The following ZNF521 variants were observed in gnomAD, a reference collection of about 807,000 sequenced individuals.
The protein encoded by ZNF521 is LYST-interacting protein 3.
Under a neutral mutation model 105.5 loss-of-function variants are expected in ZNF521, and 14 were observed. That is an observed-to-expected ratio of 0.13 (90% confidence interval 0.09 to 0.21). The LOEUF (loss-of-function observed/expected upper bound fraction) is 0.21, where lower values mean the gene tolerates loss of function less well. Ranked by LOEUF, ZNF521 falls within the 10% of genes least tolerant of loss-of-function variation. The pLI is 1.00. For synonymous variants in ZNF521, 635 were observed against 606.0 expected (o/e 1.05, Z -0.70); for missense variants, 1,233 against 1,629.7 (o/e 0.76, Z 4.19).
At chr18:25,298,043 G>T (rs902123253) in intron 3 of ZNF521, among the ~76,000 whole-genome samples, 2 of 152,074 alleles carry the variant, frequency 1.3e-5, no homozygotes, top group Non-Finnish European at 2.9e-5. Flanking sequence ...TTATTCACCT[G>T]CATTAGATGA....
chr18:25,068,324 A>G (rs1050401843), intron 7 of ZNF521, among the ~76,000 whole-genome samples: 4 of 152,162 alleles, frequency 2.6e-5, no homozygotes, highest in African/African-American at 7.2e-5. Context: ...TGATTAACTA[A>G]TTATATTACC....
chr18:25,284,876 G>T (rs760815899), intron 3 of ZNF521, among the ~76,000 whole-genome samples: 16 of 151,328 alleles, frequency 1.1e-4, no homozygotes, highest in Non-Finnish European at 1.9e-4. Context: ...TCTAGTGAGA[G>T]AGACTACACA....
chr18:25,308,316 C>T (rs991287773), intron 3 of ZNF521, among the ~76,000 whole-genome samples: 8 of 152,020 alleles, frequency 5.3e-5, no homozygotes, highest in South Asian at 2.1e-4. Context: ...TTAGGATCTC[C>T]GGGAAAAGCT....
rs553051738 is a variant in ZNF521 at position 25,204,277 on chromosome 18, T to A, written c.3574-9033A>T. ...ATTTAAGCTACTACTACATTTATAA[T>A]TGAGTAAAAAAGTTGAGCCATTTTT... is the stretch of plus-strand genomic sequence containing the variant. On this transcript the variant is annotated intron_variant, in intron 4 of 7. Coordinates refer to ENST00000361524, the MANE Select transcript of ZNF521 (RefSeq NM_015461.3). Among the ~76,000 whole-genome samples, 97 of 152,352 alleles carry A rather than the reference T, an allele frequency of 6.4e-4. 1 individual carries two copies. Among genetic ancestry groups the A allele is most frequent in the African/African-American group, 2.3e-3 (95 of 41,590 alleles).
At chr18:25,243,512 C>A (rs927901755) in intron 3 of ZNF521, among the ~76,000 whole-genome samples, 3 of 152,230 alleles carry the variant, frequency 2.0e-5, no homozygotes, top group African/African-American at 7.2e-5. Flanking sequence ...TCTGTATCAG[C>A]AGAAGATCTG....
At chr18:25,109,478 T>C (rs2034141202) in intron 5 of ZNF521, among the ~76,000 whole-genome samples, 1 of 152,192 alleles carries the variant, frequency 6.6e-6, no homozygotes, top group Non-Finnish European at 1.5e-5. Context: ...GTAGTGGGAT[T>C]GCTGGGTGGA....
rs1369336386 is a variant in ZNF521 at position 25,350,949 on chromosome 18, T to C, written c.-1-2A>G. 1 of 1,546,654 alleles carries C rather than the reference T, an allele frequency of 6.5e-7. No homozygotes were observed. The highest frequency in any genetic ancestry group is 2.0e-5 in the Admixed American group (1 of 50,794). ...TTCGCTTGCTTGCGGCGAGACATCC[T>C]AAAAGCAAACAGCTGAAGTTGTTTC... On this transcript the variant is annotated splice_acceptor_variant, in intron 1 of 7. Coordinates refer to ENST00000361524, the MANE Select transcript of ZNF521 (RefSeq NM_015461.3). LOFTEE classifies it low-confidence loss of function (5UTR_SPLICE).
chr18:25,161,372 A>C (rs1211156954), intron 5 of ZNF521, among the ~76,000 whole-genome samples: 1 of 152,184 alleles, frequency 6.6e-6, no homozygotes, highest in East Asian at 1.9e-4. Context: ...ATCAAGTGTG[A>C]CAGCTGCTGT....
intron 3 of ZNF521, among the ~76,000 whole-genome samples, chr18:25,261,413 G>T (rs551344726): frequency 3.9e-5 from 6 of 152,116 alleles, no homozygotes; most frequent in East Asian, 3.9e-4. Context: ...TGCCATTCTT[G>T]TCACATAGTA....
chr18:25,173,306 G>C (rs538251400), intron 5 of ZNF521, among the ~76,000 whole-genome samples: 60 of 152,302 alleles, frequency 3.9e-4, no homozygotes, highest in African/African-American at 1.4e-3. Flanking sequence ...CCAAAATGCA[G>C]TCACTTCCTG....
At chr18:25,147,356 T>A (rs1484032672) in intron 5 of ZNF521, among the ~76,000 whole-genome samples, 1 of 152,146 alleles carries the variant, frequency 6.6e-6, no homozygotes, top group Non-Finnish European at 1.5e-5. Flanking sequence ...GCCATAAAAA[T>A]GAATCAATCA....
intron 5 of ZNF521, among the ~76,000 whole-genome samples, chr18:25,181,954 A>T (rs1192847429): frequency 1.3e-5 from 2 of 152,250 alleles, no homozygotes. Context: ...AAGAGAAGAC[A>T]CCAATACTTC....
chr18:25,171,666 C>G (rs2035451370), intron 5 of ZNF521, among the ~76,000 whole-genome samples: 1 of 152,088 alleles, frequency 6.6e-6, no homozygotes, highest in Non-Finnish European at 1.5e-5. Context: ...ACAATATAAT[C>G]TTAACAGATG....
chr18:25,342,701 T>C (rs905601771), intron 2 of ZNF521, among the ~76,000 whole-genome samples: 5 of 152,148 alleles, frequency 3.3e-5, no homozygotes, highest in African/African-American at 7.2e-5. Flanking sequence ...GTGCTGGGAT[T>C]ACAGGCGTGA....
At chr18:25,251,893 G>A (rs1281585388) in intron 3 of ZNF521, among the ~76,000 whole-genome samples, 1 of 152,108 alleles carries the variant, frequency 6.6e-6, no homozygotes, top group South Asian at 2.1e-4. Flanking sequence ...AGTTCAATGG[G>A]AGTTTACCAT....
At chr18:25,325,472 C>CT (rs1285640931) in intron 2 of ZNF521, among the ~76,000 whole-genome samples, 1 of 152,144 alleles carries the variant, frequency 6.6e-6, no homozygotes, top group Non-Finnish European at 1.5e-5. Flanking sequence ...AAGTACTGCC[C>CT]TGCCCCCAGC....
intron 5 of ZNF521, among the ~76,000 whole-genome samples, chr18:25,121,260 C>T (rs2034436807): frequency 7.0e-6 from 1 of 141,846 alleles, no homozygotes; most frequent in Admixed American, 7.3e-5. Flanking sequence ...GCCCAGCCTT[C>T]TTCTTCTTCT....
chr18:25,062,579 A>G lies in ZNF521; in HGVS notation c.*133T>C. 1.6e-6 allele frequency: 2 copies of G among 1,228,318 alleles called. No individual in the cohort carries two copies. Among genetic ancestry groups the G allele is most frequent in the South Asian group, 2.7e-5 (2 of 75,168 alleles). 76.1% of individuals were successfully genotyped at this position (1,228,318 alleles called of 1,614,324 possible). A position where few individuals can be genotyped will look rare whatever the true frequency, so the allele number is the denominator to read the frequency against. ...AAACACATGAACATCCAACAGTTTG[A>G]TAATACAAGTTTTATGGTACAATAC... On this transcript the variant is annotated 3_prime_UTR_variant, in exon 8 of 8. Transcript: ENST00000361524.
intron 5 of ZNF521, among the ~76,000 whole-genome samples, chr18:25,174,731 C>G (rs1461640724): frequency 1.3e-5 from 2 of 152,162 alleles, no homozygotes; most frequent in Admixed American, 1.3e-4. Flanking sequence ...GCAGTCAAGG[C>G]TCAGGAGACT....
Sources: gnomAD v4.1 joint callset for allele counts (sites outside exome capture counted in the v4.1 genomes callset) on GRCh38, gnomAD v4.1.1 for gene constraint, MANE v1.5 for transcripts, NCBI Gene and HGNC (gene_info 2026-07-23, HGNC 2026-07-21) for gene names.